TSHZ3: variants seen among roughly 807,000 people sequenced by gnomAD.
TSHZ3 encodes teashirt homolog 3.
A neutral mutation model predicts 64.5 loss-of-function variants in TSHZ3; 10 were observed. That is an observed-to-expected ratio of 0.16 (90% CI 0.10 to 0.26). The LOEUF (loss-of-function observed/expected upper bound fraction) is 0.26. Ranked by LOEUF, TSHZ3 falls within the 10% of genes least tolerant of loss-of-function variation. The pLI is 1.00. For missense variants in TSHZ3, 1,242 were observed against 1,421.7 expected (o/e 0.87, Z 2.03); for synonymous variants, 608 against 593.1 (o/e 1.03, Z -0.36).
intron 1 of TSHZ3, among the ~76,000 whole-genome samples, chr19:31,331,123 G>T (rs886800835): frequency 2.6e-5 from 4 of 152,150 alleles, no homozygotes; most frequent in African/African-American, 9.7e-5. Flanking sequence ...AACGGCGCAT[G>T]TAACCCTGGC....
At chr19:31,160,106 G>T (rs1974355752) in intron 5 of TSHZ3, among the ~76,000 whole-genome samples, 1 of 152,200 alleles carries the variant, frequency 6.6e-6, no homozygotes. Context: ...TTAAATATCA[G>T]TTGGTTTCAT....
At chr19:31,289,511 C>T (rs1416067526) in intron 1 of TSHZ3, among the ~76,000 whole-genome samples, 1 of 152,200 alleles carries the variant, frequency 6.6e-6, no homozygotes, top group Admixed American at 6.5e-5. Flanking sequence ...GTGTTCCTGA[C>T]CAAGCACAGC....
In TSHZ3 at chr19:31,201,249, G is replaced by A. The variant is rs550630289; in HGVS notation, n.809+3707C>T. On this transcript the variant is annotated intron_variant and non_coding_transcript_variant, in intron 5 of 6. Transcript: ENST00000651361. ...AATTATTCTCTCACCCTGTACTATC[G>A]CCCAAATACACACACACATACACAG... Among the ~76,000 whole-genome samples the A allele has an allele frequency of 3.9e-5, 6 of 152,052 alleles. No individual in the cohort carries two copies. The South Asian group carries it at 6.2e-4, about 16-fold the overall frequency.
intron 1 of TSHZ3, among the ~76,000 whole-genome samples, chr19:31,256,269 G>A (rs1246116279): frequency 1.3e-5 from 2 of 152,162 alleles, no homozygotes; most frequent in Non-Finnish European, 2.9e-5. Flanking sequence ...TCCCTGTCTA[G>A]TGAAGAATCC....
intron 1 of TSHZ3, among the ~76,000 whole-genome samples, chr19:31,334,533 C>T (rs746454534): frequency 6.6e-6 from 1 of 152,216 alleles, no homozygotes; most frequent in Non-Finnish European, 1.5e-5. Context: ...TGCTGCCTTT[C>T]CCTCTCATCC....
intron 4 of TSHZ3, among the ~76,000 whole-genome samples, chr19:31,211,296 G>T (rs1476672516): frequency 6.6e-6 from 1 of 152,184 alleles, no homozygotes; most frequent in Admixed American, 6.5e-5. Flanking sequence ...AGGTAATTGT[G>T]TGTGTGAAAT....
intron 1 of TSHZ3, among the ~76,000 whole-genome samples, chr19:31,259,514 G>A (rs548954563): frequency 1.6e-4 from 25 of 152,166 alleles, no homozygotes; most frequent in South Asian, 4.2e-4. Context: ...AGAAATGGTC[G>A]TTCCCTGCTA....
At chr19:31,220,735 T>C (rs1431169870) in intron 4 of TSHZ3, among the ~76,000 whole-genome samples, 2 of 152,196 alleles carry the variant, frequency 1.3e-5, no homozygotes, top group African/African-American at 4.8e-5. Flanking sequence ...TCACTTCCTT[T>C]TCCTTTCCTC....
At position 31,182,754 on chromosome 19, in the gene TSHZ3, C is replaced by CA. The variant is rs966142067; in HGVS notation, n.809+22201dup. Among the ~76,000 whole-genome samples, 212 of 151,932 alleles carry CA rather than the reference C, an allele frequency of 1.4e-3. 1 individual carries two copies. The highest frequency in any genetic ancestry group is 4.0e-4 in the Non-Finnish European group (27 of 67,982). On this transcript the variant is annotated intron_variant and non_coding_transcript_variant, in intron 5 of 6. Coordinates refer to the TSHZ3 transcript ENST00000651361. ...GTTAAAAGAAGATAAGTTTCTTAGA[C>CA]AAAAAAATACATATGTAAGACTCTA...
intron 1 of TSHZ3, among the ~76,000 whole-genome samples, chr19:31,325,769 C>T (rs1219170008): frequency 6.6e-6 from 1 of 152,134 alleles, no homozygotes; most frequent in Non-Finnish European, 1.5e-5. Flanking sequence ...AAAGAAAAGA[C>T]TAGAAGCAAC....
chr19:31,186,738 CTT>C (rs931217397), intron 5 of TSHZ3, among the ~76,000 whole-genome samples: 1 of 152,170 alleles, frequency 6.6e-6, no homozygotes, highest in African/African-American at 2.4e-5. Flanking sequence ...CATTGATAGT[CTT>C]TTAAATTTTA....
Position 31,279,685 on chromosome 19 carries a change from C to G in TSHZ3, c.108G>C (p.Thr36=), listed in dbSNP as rs191399852. Residue 36 remains threonine, a synonymous_variant, in exon 2 of 2, where the codon ACG becomes ACC. Transcript: ENST00000240587. The surrounding 1 kb of genome is among the most constrained non-coding windows in gnomAD (Gnocchi z 6.4). The part of the protein sequence containing the change: ...VDEGLDPEEH[T]ADGEPSAKYM... Reference sequence around the variant, plus strand: ...ACTTGGCCGAGGGCTCTCCATCTGCCGTATGCTCCTCTGGGTCTAAACCTT... The same window carrying G: ...ACTTGGCCGAGGGCTCTCCATCTGCGGTATGCTCCTCTGGGTCTAAACCTT... 2 of 1,573,662 alleles carry G rather than the reference C, an allele frequency of 1.3e-6. No homozygotes were observed. Among genetic ancestry groups the G allele is most frequent in the Non-Finnish European group, 1.7e-6 (2 of 1,158,338 alleles).
At chr19:31,194,837 G>A (rs1308980108) in intron 5 of TSHZ3, among the ~76,000 whole-genome samples, 1 of 152,146 alleles carries the variant, frequency 6.6e-6, no homozygotes, top group Non-Finnish European at 1.5e-5. Context: ...GTATAAAGTG[G>A]ACACCATGCA....
At chr19:31,292,072 T>C (rs1295542564) in intron 1 of TSHZ3, among the ~76,000 whole-genome samples, 1 of 152,184 alleles carries the variant, frequency 6.6e-6, no homozygotes, top group Non-Finnish European at 1.5e-5. Flanking sequence ...GAATAAAGAA[T>C]CCAGGGTCTG....
intron 4 of TSHZ3, among the ~76,000 whole-genome samples, chr19:31,216,313 G>A (rs1028908885): frequency 2.0e-5 from 3 of 152,146 alleles, no homozygotes; most frequent in Non-Finnish European, 2.9e-5. Context: ...TATCAGCAAG[G>A]CTCCTGGCCT....
chr19:31,347,238 AAAATAAAT>A (rs377686321), intron 1 of TSHZ3, among the ~76,000 whole-genome samples: 1 of 151,580 alleles, frequency 6.6e-6, no homozygotes, highest in Non-Finnish European at 1.5e-5. Context: ...GGTTGCTCTA[AAAATAAAT>A]AAATAAATAA....
intron 1 of TSHZ3, among the ~76,000 whole-genome samples, chr19:31,254,518 T>G (rs1164585575): frequency 6.6e-6 from 1 of 152,062 alleles, no homozygotes; most frequent in African/African-American, 2.4e-5. Flanking sequence ...TCTCTGAGAG[T>G]GCACTGGCTT....
At chr19:31,203,523 C>T (rs1013324933) in intron 5 of TSHZ3, among the ~76,000 whole-genome samples, 1 of 152,142 alleles carries the variant, frequency 6.6e-6, no homozygotes, top group South Asian at 2.1e-4. Flanking sequence ...GCCATCTTTG[C>T]AGTTCTTATG....
rs375005992 is a variant in TSHZ3 at position 31,288,799 on chromosome 19, C to G, written c.41-9047G>C. Among the ~76,000 whole-genome samples the G allele has an allele frequency of 7.2e-5, 11 of 152,288 alleles. No homozygotes were observed. The East Asian group carries it at 1.9e-3, about 27-fold the overall frequency. On this transcript the variant is annotated intron_variant, in intron 1 of 1. Transcript: ENST00000240587. ...CAAGTGATCCTCCAGCGTCGGCCTC[C>G]CAAAGCACTGAGATTACAGGCTTGA...
Sources: allele counts gnomAD v4.1 joint callset (sites outside exome capture counted in the v4.1 genomes callset), GRCh38; gene constraint gnomAD v4.1.1; non-coding constraint Gnocchi (gnomAD v3.1); transcripts MANE v1.5; gene names NCBI Gene and HGNC (gene_info 2026-07-23, HGNC 2026-07-21).